The following FAM107B variants were observed in gnomAD, a reference collection of about 807,000 sequenced individuals.
FAM107B encodes family with sequence similarity 107 member B, also known as protein FAM107B.
A neutral mutation model predicts 31.5 loss-of-function variants in FAM107B; 21 were observed. The observed-to-expected ratio is 0.67, with a 90% CI of 0.47 to 0.96. The LOEUF is 0.96. Ranked by LOEUF, FAM107B falls within the 40% of genes least tolerant of loss-of-function variation. The pLI is 0.00. For missense variants in FAM107B, 452 were observed against 377.1 expected, an observed-to-expected ratio of 1.20 and a Z score of -1.64; for synonymous variants, 157 against 141.5, an observed-to-expected ratio of 1.11 and a Z score of -0.78.
In FAM107B at chr10:14,549,321, A is replaced by G. The variant is rs1439750940; in HGVS notation, c.470-18806T>C. On this transcript the variant is annotated intron_variant, in intron 2 of 4. Coordinates refer to ENST00000181796, the MANE Select transcript of FAM107B (RefSeq NM_031453.4). ...GTTAACTACTCTGGATCCCAGCTCC[A>G]AGCTGAAAGGGAAACAAGAGCAATC... is the stretch of plus-strand genomic sequence containing the variant. Among the ~76,000 whole-genome samples the G allele has an allele frequency of 3.3e-5, 5 of 152,338 alleles. No individual in the cohort carries two copies. In the East Asian group the frequency reaches 7.7e-4, roughly 24 times the overall value.
At chr10:14,772,362 A>ATATATAT (rs1554759099) in intron 1 of FAM107B, among the ~76,000 whole-genome samples, 189 of 145,632 alleles carry the variant, frequency 1.3e-3, no homozygotes, top group African/African-American at 4.7e-3. Context: ...TTAAAAAAAA[A>ATATATAT]ATATATATAT....
chr10:14,561,815 C>T (rs577688999), intron 2 of FAM107B, among the ~76,000 whole-genome samples: 1 of 152,176 alleles, frequency 6.6e-6, no homozygotes, highest in Non-Finnish European at 1.5e-5. Context: ...GACAGAGTCT[C>T]ACTCTGTCAC....
intron 3 of FAM107B, among the ~76,000 whole-genome samples, chr10:14,523,532 G>A (rs777345176): frequency 2.0e-5 from 3 of 152,176 alleles, no homozygotes; most frequent in Middle Eastern, 3.2e-3. Context: ...CTCCTGGTCC[G>A]GCTGCTGATG....
chr10:14,679,044 G>C (rs897058911), intron 1 of FAM107B, among the ~76,000 whole-genome samples: 1 of 152,224 alleles, frequency 6.6e-6, no homozygotes, highest in Non-Finnish European at 1.5e-5. Flanking sequence ...GGGCCTTGGA[G>C]TTAGAGAGAC....
chr10:14,554,086 T>C (rs952355226), intron 2 of FAM107B: 1 of 984,640 alleles, frequency 1.0e-6, no homozygotes, highest in African/African-American at 1.7e-5. Flanking sequence ...AATTAATGTA[T>C]AGTAGATATG....
intron 2 of FAM107B, among the ~76,000 whole-genome samples, chr10:14,619,528 G>C (rs966999161): frequency 2.0e-5 from 3 of 152,068 alleles, no homozygotes; most frequent in African/African-American, 7.2e-5. Flanking sequence ...TATTGGTTGT[G>C]TGTATTTTCT....
chr10:14,568,011 C>T (rs977025986), intron 2 of FAM107B, among the ~76,000 whole-genome samples: 1 of 152,192 alleles, frequency 6.6e-6, no homozygotes, highest in Non-Finnish European at 1.5e-5. Flanking sequence ...CATGGAGTCC[C>T]CGGTGAGCTT....
intron 2 of FAM107B, among the ~76,000 whole-genome samples, chr10:14,611,761 G>T (rs1268748797): frequency 6.6e-6 from 1 of 151,446 alleles, no homozygotes; most frequent in African/African-American, 2.4e-5. Flanking sequence ...ATCTTGGCAG[G>T]GCTCATAGTT....
At chr10:14,706,422 C>T (rs1855521505) in intron 1 of FAM107B, among the ~76,000 whole-genome samples, 1 of 152,070 alleles carries the variant, frequency 6.6e-6, no homozygotes. Flanking sequence ...GAGATAAGGT[C>T]CCACTATGTT....
At chr10:14,621,787 C>T (rs1013467254) in intron 2 of FAM107B, among the ~76,000 whole-genome samples, 10 of 151,666 alleles carry the variant, frequency 6.6e-5, no homozygotes, top group African/African-American at 2.4e-4. Flanking sequence ...CCCCATTCCA[C>T]AGCTCGCTTG....
At chr10:14,605,720 T>C (rs1588654601) in intron 2 of FAM107B, among the ~76,000 whole-genome samples, 1 of 152,208 alleles carries the variant, frequency 6.6e-6, no homozygotes, top group South Asian at 2.1e-4. Flanking sequence ...ATGAACTTTA[T>C]ACATGGTGTT....
intron 1 of FAM107B, among the ~76,000 whole-genome samples, chr10:14,741,135 C>T (rs981136613): frequency 6.6e-6 from 1 of 152,010 alleles, no homozygotes; most frequent in Non-Finnish European, 1.5e-5. Flanking sequence ...AAGATGACAG[C>T]CAGAATCAGG....
intron 2 of FAM107B, among the ~76,000 whole-genome samples, chr10:14,565,096 A>G (rs1437314066): frequency 1.3e-5 from 2 of 152,268 alleles, no homozygotes; most frequent in Admixed American, 1.3e-4. Context: ...GCTGAAAATT[A>G]AAACAAACTC....
intron 2 of FAM107B, among the ~76,000 whole-genome samples, chr10:14,650,489 T>C (rs11599213): frequency 0.38 from 57,131 of 152,032 alleles, 12,161 homozygotes; most frequent in Non-Finnish European, 0.47. Context: ...TTTCACCATG[T>C]TGGCCAGGCT....
At chr10:14,672,937 G>C (rs888320403) in intron 1 of FAM107B, among the ~76,000 whole-genome samples, 3 of 152,142 alleles carry the variant, frequency 2.0e-5, no homozygotes, top group African/African-American at 7.2e-5. Flanking sequence ...GAAGCAAAAA[G>C]GTAGTTTGTT....
At chr10:14,613,563 T>C (rs1474595259) in intron 2 of FAM107B, among the ~76,000 whole-genome samples, 1 of 152,192 alleles carries the variant, frequency 6.6e-6, no homozygotes, top group Non-Finnish European at 1.5e-5. Flanking sequence ...GCCCTACATC[T>C]ACTTTGGCGA....
At chr10:14,688,493 A>T (rs971701167) in intron 1 of FAM107B, among the ~76,000 whole-genome samples, 1 of 152,220 alleles carries the variant, frequency 6.6e-6, no homozygotes, top group African/African-American at 2.4e-5. Flanking sequence ...ATACACGTAC[A>T]CACAACCAAC....
intron 2 of FAM107B, among the ~76,000 whole-genome samples, chr10:14,570,706 G>A (rs1198710461): frequency 6.6e-6 from 1 of 151,966 alleles, no homozygotes; most frequent in African/African-American, 2.4e-5. Flanking sequence ...GGAGGCTGAG[G>A]CAGAAGAATC....
intron 1 of FAM107B, among the ~76,000 whole-genome samples, chr10:14,771,070 T>C (rs1833291796): frequency 6.6e-6 from 1 of 151,792 alleles, no homozygotes; most frequent in Non-Finnish European, 1.5e-5. Flanking sequence ...AAGGGAAATA[T>C]TTTTCCGCCA....
Sources: gnomAD v4.1 joint callset for allele counts (sites outside exome capture counted in the v4.1 genomes callset) on GRCh38, gnomAD v4.1.1 for gene constraint, MANE v1.5 for transcripts, NCBI Gene and HGNC (gene_info 2026-07-23, HGNC 2026-07-21) for gene names.